Variants in FMNL2 observed in about 807,000 individuals in gnomAD.
FMNL2 encodes formin-like protein 2.
A neutral mutation model predicts 130.2 loss-of-function variants in FMNL2; 51 were observed. The observed-to-expected ratio is 0.39, with a 90% CI of 0.31 to 0.49. FMNL2 has a LOEUF of 0.49. FMNL2 is among the 20% of genes least tolerant of loss of function. The probability of loss-of-function intolerance (pLI) is 0.85; values close to 1 mark genes in which losing one functional copy is unlikely to be tolerated. For missense variants in FMNL2, 977 were observed against 1,316.2 expected (o/e 0.74, Z 3.99); for synonymous variants, 465 against 467.1 (o/e 1.00, Z 0.06).
At chr2:152,530,572 T>G (rs563885908) in intron 2 of FMNL2, among the ~76,000 whole-genome samples, 1 of 152,328 alleles carries the variant, frequency 6.6e-6, no homozygotes, top group Admixed American at 6.5e-5. Context: ...TGCTAGATGC[T>G]AAGACCACCA....
In FMNL2 at chr2:152,395,486, T is replaced by G. The variant is rs892838708; in HGVS notation, c.117+59766T>G. On this transcript the variant is annotated intron_variant, in intron 1 of 25. Transcript: ENST00000288670. ...TCTTAGGAAACTTGTTCCCATTTTG[T>G]GTCTCCACAATGGTTCTCAGCTACT... 2.0e-5 allele frequency among the ~76,000 whole-genome samples: 3 copies of G among 152,236 alleles called. 1 individual carries two copies. Among genetic ancestry groups the G allele is most frequent in the Non-Finnish European group, 1.5e-5 (1 of 68,030 alleles).
chr2:152,468,610 TG>T (rs1689684620), intron 1 of FMNL2, among the ~76,000 whole-genome samples: 1 of 152,272 alleles, frequency 6.6e-6, no homozygotes. Flanking sequence ...AATTTTATGT[TG>T]GTTACATATT....
chr2:152,631,706 G>T (rs1242056917), intron 20 of FMNL2, among the ~76,000 whole-genome samples: 6 of 152,204 alleles, frequency 3.9e-5, no homozygotes, highest in African/African-American at 1.4e-4. Context: ...GAAACCATGG[G>T]AAGTAAACCT....
intron 1 of FMNL2, among the ~76,000 whole-genome samples, chr2:152,478,468 C>T (rs951292492): frequency 2.0e-5 from 3 of 151,866 alleles, no homozygotes; most frequent in Non-Finnish European, 4.4e-5. Context: ...AAACTCCTGA[C>T]CTCGTGATCT....
chr2:152,441,886 G>T (rs1357220534), intron 1 of FMNL2, among the ~76,000 whole-genome samples: 1 of 152,008 alleles, frequency 6.6e-6, no homozygotes, highest in East Asian at 1.9e-4. Flanking sequence ...AAATAGATGA[G>T]AACTGCAATA....
At chr2:152,345,762 A>G (rs10931054) in intron 1 of FMNL2, among the ~76,000 whole-genome samples, 138,519 of 152,196 alleles carry the variant, frequency 0.91, 63,810 homozygotes, top group East Asian at 1. Flanking sequence ...GTCACTCTAC[A>G]CCAACTAATT....
chr2:152,502,476 C>G (rs1032140213), intron 1 of FMNL2, among the ~76,000 whole-genome samples: 4 of 152,198 alleles, frequency 2.6e-5, no homozygotes, highest in Non-Finnish European at 5.9e-5. Context: ...CACCTGAGGT[C>G]AGGAGTCTGA....
At chr2:152,471,400 G>A (rs1689851157) in intron 1 of FMNL2, among the ~76,000 whole-genome samples, 1 of 152,200 alleles carries the variant, frequency 6.6e-6, no homozygotes, top group Non-Finnish European at 1.5e-5. Flanking sequence ...GATTGAGCAA[G>A]TAAGATGTAT....
At chr2:152,623,246 C>T (rs1469166235) in intron 15 of FMNL2, among the ~76,000 whole-genome samples, 7 of 152,186 alleles carry the variant, frequency 4.6e-5, no homozygotes, top group African/African-American at 1.2e-4. Flanking sequence ...GACTCCTCTG[C>T]GGCCCTTCTG....
intron 2 of FMNL2, among the ~76,000 whole-genome samples, chr2:152,538,386 C>A (rs1298819039): frequency 6.6e-6 from 1 of 152,020 alleles, no homozygotes; most frequent in Non-Finnish European, 1.5e-5. Context: ...TTCAAGTAAT[C>A]CTCCTGTCTC....
rs530270618 is a variant in FMNL2 at position 152,546,641 on chromosome 2, C to G, written c.283-2380C>G. Among the ~76,000 whole-genome samples the G allele has an allele frequency of 3.3e-5, 5 of 152,240 alleles. 1 individual carries two copies. The South Asian group carries it at 1.0e-3, about 32-fold the overall frequency. ...GGGAATGAGTCAGAAGTGCACATAA[C>G]ACAGAGCTTGGAAGGCTGAGTTATT... is the stretch of plus-strand genomic sequence containing the variant. On this transcript the variant is annotated intron_variant, in intron 3 of 25. Transcript: ENST00000288670.
At chr2:152,547,737 G>A (rs1477086804) in intron 3 of FMNL2, among the ~76,000 whole-genome samples, 1 of 152,182 alleles carries the variant, frequency 6.6e-6, no homozygotes, top group Non-Finnish European at 1.5e-5. Flanking sequence ...AGGACTCTGT[G>A]TCTGCTGCAA....
At chr2:152,440,707 A>G (rs945813324) in intron 1 of FMNL2, among the ~76,000 whole-genome samples, 2 of 152,220 alleles carry the variant, frequency 1.3e-5, no homozygotes, top group Non-Finnish European at 2.9e-5. Flanking sequence ...CATTCTTATT[A>G]GTGCCGGAAG....
chr2:152,584,791 G>T (rs1196916837), intron 9 of FMNL2, among the ~76,000 whole-genome samples: 2 of 152,138 alleles, frequency 1.3e-5, no homozygotes, highest in South Asian at 2.1e-4. Flanking sequence ...CTCATGTTTT[G>T]ATGAATATTT....
chr2:152,527,554 T>C (rs1338147560), intron 2 of FMNL2, among the ~76,000 whole-genome samples: 1 of 152,176 alleles, frequency 6.6e-6, no homozygotes, highest in East Asian at 1.9e-4. Flanking sequence ...TAATTATTCC[T>C]GGAATTTTTC....
At chr2:152,643,662 G>A in intron 25 of FMNL2, 1 of 1,439,452 alleles carries the variant, frequency 6.9e-7, no homozygotes, top group Non-Finnish European at 9.1e-7. Context: ...TTCTCATGCT[G>A]CATGGTTTTG....
At chr2:152,583,275 A>G (rs1185793856) in intron 9 of FMNL2, among the ~76,000 whole-genome samples, 1 of 152,220 alleles carries the variant, frequency 6.6e-6, no homozygotes, top group Non-Finnish European at 1.5e-5. Context: ...AGGCATTTGC[A>G]TCTGATAGAA....
In FMNL2 at chr2:152,639,133, C is replaced by G. The variant is rs533542340; in HGVS notation, c.2947-825C>G. Among the ~76,000 whole-genome samples the G allele has an allele frequency of 3.9e-5, 6 of 152,212 alleles. No homozygotes were observed. The East Asian group carries it at 9.7e-4, about 25-fold the overall frequency. ...GCCAGGATGTTTTTCTTGCCCTATA[C>G]GTGATGAATAGCCTCCTAGCCTGGC... On this transcript the variant is annotated intron_variant, in intron 23 of 25. Coordinates refer to ENST00000288670, the MANE Select transcript of FMNL2 (RefSeq NM_052905.4).
intron 1 of FMNL2, among the ~76,000 whole-genome samples, chr2:152,478,249 TA>T (rs66473374): frequency 0.062 from 3,562 of 57,908 alleles, 86 homozygotes; most frequent in Non-Finnish European, 0.078. Flanking sequence ...TATATATATA[TA>T]TTTTTTTTTT....
Sources: allele counts gnomAD v4.1 joint callset (sites outside exome capture counted in the v4.1 genomes callset), GRCh38; gene constraint gnomAD v4.1.1; transcripts MANE v1.5; gene names NCBI Gene and HGNC (gene_info 2026-07-23, HGNC 2026-07-21).